Variants in ALAS2 observed in about 807,000 individuals in gnomAD.
ALAS2 encodes the protein 5-aminolevulinate synthase, erythroid-specific, mitochondrial.
Under a neutral mutation model 33.7 loss-of-function variants are expected in ALAS2, and 3 were observed. The observed-to-expected ratio is 0.09, with a 90% CI of 0.04 to 0.23. The LOEUF is 0.23. Ranked by LOEUF, ALAS2 falls within the 10% of genes least tolerant of loss-of-function variation. ALAS2 has a pLI of 1.00. For synonymous variants in ALAS2, 191 were observed against 177.3 expected, an observed-to-expected ratio of 1.08 and a Z score of -0.61; for missense variants, 304 against 475.1, an observed-to-expected ratio of 0.64 and a Z score of 3.35.
Position 55,015,224 on chromosome X carries a change from T to A in ALAS2, c.1169-209A>T, listed in dbSNP as rs144844061. 6.7e-3 allele frequency among the ~76,000 whole-genome samples: 737 copies of A among 109,798 alleles called. 7 individuals are homozygous for A. Among genetic ancestry groups the A allele is most frequent in the African/African-American group, 0.02 (611 of 30,040 alleles). On this transcript the variant is annotated intron_variant, in intron 8 of 10. Transcript: ENST00000650242. ...GACTTTCAAGTCTTGCCATATGCAA[T>A]GACTAGATAGGCAGGAGCTGGGTGG...
intron 8 of ALAS2, 152 bp downstream of exon 8, chrX:55,015,426 G>T: frequency 1.6e-6 from 1 of 613,937 alleles, no homozygotes; most frequent in Non-Finnish European, 2.6e-6. Flanking sequence ...GCAGTGGGAT[G>T]CGAGTGGAGA....
chrX:55,027,512 A>T (rs976942864), intron 1 of ALAS2, among the ~76,000 whole-genome samples: 13 of 111,058 alleles, frequency 1.2e-4, no homozygotes, highest in Non-Finnish European at 2.3e-4. Context: ...AAAAAGGGCA[A>T]ATTGGAAAGA....
chrX:55,027,143 G>A (rs1342145255), intron 1 of ALAS2, among the ~76,000 whole-genome samples: 8 of 111,104 alleles, frequency 7.2e-5, no homozygotes, highest in East Asian at 2.8e-4. Context: ...CAAGGGGCAC[G>A]AAAGGGACAT....
intron 5 of ALAS2, 44 bp from the exon 6 acceptor site, chrX:55,020,548 G>A: frequency 5.3e-6 from 6 of 1,130,998 alleles, no homozygotes; most frequent in South Asian, 3.9e-5. Flanking sequence ...AGAAACTCTT[G>A]TCAGGCATCG....
At chrX:55,017,303 T>C (rs1371191057) in intron 7 of ALAS2, among the ~76,000 whole-genome samples, 183 bp downstream of exon 7, 1 of 112,266 alleles carries the variant, frequency 8.9e-6, no homozygotes, top group Non-Finnish European at 1.9e-5. Context: ...ATAACACCTA[T>C]CACATAGAAT....
intron 6 of ALAS2, among the ~76,000 whole-genome samples, chrX:55,020,117 C>T (rs1162461414): frequency 5.4e-5 from 6 of 111,341 alleles, no homozygotes; most frequent in African/African-American, 9.8e-5. Context: ...TAATGTTCCC[C>T]GGTAATGGTC....
At position 55,020,442 on chromosome X, in the gene ALAS2, T is replaced by G; in HGVS notation, c.701A>C (p.Lys234Thr). ...GGTRNISGTS[K>T]FHVELEQELA... ...CTCCTGCTCAAGCTCCACATGAAAC[T>G]TACTGGTGCCTGAGATGTTGCGGGT... Residue 234 changes from lysine to threonine, a missense_variant, in exon 6 of 11, where the codon AAG (lysine) becomes ACG (threonine). Transcript: ENST00000650242. 8.4e-7 allele frequency: 1 copy of G among 1,191,601 alleles called. No individual in the cohort carries two copies. Among genetic ancestry groups the G allele is most frequent in the Non-Finnish European group, 1.1e-6 (1 of 885,066 alleles).
chrX:55,021,273 T>A lies in ALAS2; in HGVS notation c.417A>T (p.Gly139=). 1 of 1,200,278 alleles carries A rather than the reference T, an allele frequency of 8.3e-7. No individual in the cohort carries two copies. Among genetic ancestry groups the A allele is most frequent in the Non-Finnish European group, 1.1e-6 (1 of 884,636 alleles). The change falls in exon 5 of 11, where the codon GGA becomes GGT. Residue 139 remains glycine (G), a splice_region_variant and synonymous_variant. Coordinates refer to ENST00000650242, the MANE Select transcript of ALAS2 (RefSeq NM_000032.5). ...VTHLIQNNMP[G]NYVFSYDQFF... ...ACTGGTCATAACTGAAGACATAGTT[T>A]CCTGCAGGAGCAGATATGAGGATGA...
chrX:55,009,134 C>T lies in ALAS2; in HGVS notation c.*46G>A, dbSNP rs1935550327. 1 of 1,192,548 alleles carries T rather than the reference C, an allele frequency of 8.4e-7. No homozygotes were observed. The highest frequency in any genetic ancestry group is 1.8e-5 in the South Asian group (1 of 54,545). ...AGCAGAAGACAGGAGTAGGCCTGGA[C>T]CCAAGTGAAGCGCAGGTGGGGTGTG... On this transcript the variant is annotated 3_prime_UTR_variant, in exon 11 of 11. Coordinates refer to ENST00000650242, the MANE Select transcript of ALAS2 (RefSeq NM_000032.5).
chrX:55,026,766 G>T (rs1361006789), intron 1 of ALAS2, among the ~76,000 whole-genome samples: 1 of 112,037 alleles, frequency 8.9e-6, no homozygotes, highest in Non-Finnish European at 1.9e-5. Flanking sequence ...AGAGAAAGGG[G>T]GCAAAGAGAT....
In ALAS2 at chrX:55,020,523, G is replaced by GAGAAA. The variant is rs774073760; in HGVS notation, c.639-24_639-20dup. ...GGTCTCCCTGGCCAGGAGAAAACAG[G>GAGAAA]AGAAAAGGAGAAAAAGAAACTCTTG... On this transcript the variant is annotated intron_variant, in intron 5 of 10. Transcript: ENST00000650242. 2 of 1,163,434 alleles carry GAGAAA rather than the reference G, an allele frequency of 1.7e-6. No individual in the cohort carries two copies. Among genetic ancestry groups the GAGAAA allele is most frequent in the Non-Finnish European group, 2.3e-6 (2 of 870,081 alleles).
chrX:55,015,430 G>A (rs1249861769), intron 8 of ALAS2, 148 bp downstream of exon 8: 14 of 640,452 alleles, frequency 2.2e-5, no homozygotes, highest in South Asian at 2.7e-5. Flanking sequence ...TGGGATGCGA[G>A]TGGAGAGAGG....
intron 7 of ALAS2, among the ~76,000 whole-genome samples, chrX:55,016,329 A>G (rs1202387743): frequency 1.8e-5 from 2 of 111,763 alleles, no homozygotes; most frequent in African/African-American, 6.5e-5. Context: ...GTTTTACTTT[A>G]TTGCTAGTGT....
At chrX:55,025,796 C>T in intron 2 of ALAS2, 24 bp downstream of exon 2, 1 of 1,206,234 alleles carries the variant, frequency 8.3e-7, no homozygotes, top group Non-Finnish European at 1.1e-6. Context: ...ACATTCTCCC[C>T]TTTTGCTAGC....
chrX:55,027,850 T>A, intron 1 of ALAS2: 1 of 1,112,840 alleles, frequency 9.0e-7, no homozygotes, highest in South Asian at 1.8e-5. Context: ...GGCCAAGGCA[T>A]GTGGGCCCTG....
chrX:55,025,761 T>C lies in ALAS2; in HGVS notation c.181+59A>G, dbSNP rs1179111527. 3 of 1,133,484 alleles carry C rather than the reference T, an allele frequency of 2.6e-6. No homozygotes were observed. In the South Asian group the frequency reaches 5.5e-5, roughly 21 times the overall value. The allele number at this position is 1,133,484 out of a possible 1,213,427, so 93.4% of individuals were successfully genotyped here. ...ATTAGGCAAAGATGGCCAGTATAAC[T>C]TGGAACTTTTACCCCAGGACCCTAA... On this transcript the variant is annotated intron_variant, in intron 2 of 10. Transcript: ENST00000650242.
rs1436817553 is a variant in ALAS2, at chrX:55,024,916, A to G, written c.182-76T>C. On this transcript the variant is annotated intron_variant, in intron 2 of 10. Transcript: ENST00000650242. Reference sequence around the variant, plus strand: ...AGCTCAACAATAATTGCTGAGATCTAATGTACCCCTAAAGCCCTATCTCAG... The same window carrying G: ...AGCTCAACAATAATTGCTGAGATCTGATGTACCCCTAAAGCCCTATCTCAG... 3.5e-6 allele frequency: 4 copies of G among 1,143,938 alleles called. No individual in the cohort carries two copies. In the African/African-American group the frequency reaches 5.4e-5, roughly 15 times the overall value. 94.3% of individuals were successfully genotyped at this position (1,143,938 alleles called of 1,213,427 possible).
intron 1 of ALAS2, among the ~76,000 whole-genome samples, chrX:55,027,395 A>T (rs771986060): frequency 9.1e-6 from 1 of 110,470 alleles, no homozygotes; most frequent in East Asian, 2.9e-4. Flanking sequence ...AAGGATAGAG[A>T]CAGAGAGGTG....
intron 4 of ALAS2, among the ~76,000 whole-genome samples, chrX:55,022,576 T>A (rs910332901): frequency 3.6e-5 from 4 of 112,074 alleles, no homozygotes; most frequent in African/African-American, 1.3e-4. Flanking sequence ...CCTTGATAAC[T>A]GGTACAGCCA....
Sources: gnomAD v4.1 joint callset for allele counts (sites outside exome capture counted in the v4.1 genomes callset) on GRCh38, gnomAD v4.1.1 for gene constraint, MANE v1.5 for transcripts, NCBI Gene and HGNC (gene_info 2026-07-23, HGNC 2026-07-21) for gene names.